Variants in IQSEC1 observed in about 807,000 individuals in gnomAD.
IQSEC1 encodes the protein IQ motif and Sec7 domain ArfGEF 1.
IQSEC1 carries 31 observed loss-of-function variants against 91.0 expected under a neutral mutation model. That is an observed-to-expected ratio of 0.34 (90% CI 0.26 to 0.46). The LOEUF (loss-of-function observed/expected upper bound fraction) is 0.46. IQSEC1 is among the 20% of genes least tolerant of loss of function. The pLI is 1.00. For synonymous variants in IQSEC1, 699 were observed against 662.6 expected, an observed-to-expected ratio of 1.05 and a Z score of -0.84; for missense variants, 1,388 against 1,575.6, an observed-to-expected ratio of 0.88 and a Z score of 2.02.
chr3:13,011,782 G>A lies in IQSEC1; in HGVS notation c.23+61210C>T, dbSNP rs564300876. ...GTATTTGCTTCCGCTGCCACTACCGGTAGATCAGAAGCTGGGGAGGTGTTT... is the reference window on the plus strand; with the variant it reads ...GTATTTGCTTCCGCTGCCACTACCGATAGATCAGAAGCTGGGGAGGTGTTT... On this transcript the variant is annotated intron_variant, in intron 1 of 13. Transcript: ENST00000613206. 4.6e-5 allele frequency among the ~76,000 whole-genome samples: 7 copies of A among 152,308 alleles called. No homozygotes were observed. The East Asian group carries it at 1.4e-3, about 29-fold the overall frequency.
At position 12,967,957 on chromosome 3, in the gene IQSEC1, G is replaced by T. The variant is rs1029282631; in HGVS notation, c.24-26092C>A. On this transcript the variant is annotated intron_variant, in intron 1 of 13. Coordinates refer to ENST00000613206, the MANE Select transcript of IQSEC1 (RefSeq NM_001134382.3). This position sits in a 1 kb window ranked among gnomAD's most constrained non-coding sequence, Gnocchi z 5.9. ...CAGGGGCGGGGCCGAGCCGAGGCGC[G>T]GGGTGCAGAGCGCAAGGGCGGAGTC... Among the ~76,000 whole-genome samples the T allele has an allele frequency of 2.0e-4, 30 of 152,210 alleles. No individual in the cohort carries two copies. The highest frequency in any genetic ancestry group is 7.0e-4 in the African/African-American group (29 of 41,560).
intron 2 of IQSEC1, among the ~76,000 whole-genome samples, chr3:13,160,616 G>T (rs951462387): frequency 3.3e-5 from 5 of 152,260 alleles, no homozygotes; most frequent in African/African-American, 4.8e-5. Flanking sequence ...GGAGGGTGTT[G>T]CGGGGGCAGT....
intron 1 of IQSEC1, among the ~76,000 whole-genome samples, chr3:13,210,490 C>A (rs1694423989): frequency 6.6e-6 from 1 of 152,198 alleles, no homozygotes; most frequent in African/African-American, 2.4e-5. Flanking sequence ...GGCCACCCGC[C>A]CCTCCCCTGG....
chr3:12,966,393 G>A (rs969804729), intron 1 of IQSEC1, among the ~76,000 whole-genome samples: 12 of 152,196 alleles, frequency 7.9e-5, no homozygotes, highest in Admixed American at 1.3e-4. Context: ...GCTTCCTCCA[G>A]AGGGGGCCTG....
intron 1 of IQSEC1, among the ~76,000 whole-genome samples, chr3:13,281,971 G>T (rs1174620113): frequency 1.3e-5 from 2 of 152,168 alleles, no homozygotes; most frequent in African/African-American, 4.8e-5. Context: ...GGCTGCTCCG[G>T]GTTTCGACAC....
rs76901702 is a variant in IQSEC1, at chr3:13,236,875, G to C, written c.272+45836C>G. On this transcript the variant is annotated intron_variant, in intron 1 of 15. Coordinates refer to the IQSEC1 transcript ENST00000648114. ...CCCACCCAGGGTACTTTGGGAAGGG[G>C]TGTTTTTGGGGAAACAACAAAATGC... is the stretch of plus-strand genomic sequence containing the variant. 3.8e-3 allele frequency among the ~76,000 whole-genome samples: 586 copies of C among 152,344 alleles called. 4 individuals carry two copies. Among genetic ancestry groups the C allele is most frequent in the African/African-American group, 0.013 (551 of 41,584 alleles).
At chr3:13,224,577 G>T (rs746160019) in intron 1 of IQSEC1, among the ~76,000 whole-genome samples, 1 of 152,026 alleles carries the variant, frequency 6.6e-6, no homozygotes, top group Admixed American at 6.5e-5. Flanking sequence ...TCTGATCTCC[G>T]CAGTGCTCAC....
chr3:12,995,590 C>A (rs962421703), intron 1 of IQSEC1, among the ~76,000 whole-genome samples: 1 of 152,206 alleles, frequency 6.6e-6, no homozygotes, highest in East Asian at 1.9e-4. Flanking sequence ...CACCCACCTG[C>A]GAAGCTGTAG....
At chr3:13,112,806 AG>A (rs1263928230) in intron 2 of IQSEC1, among the ~76,000 whole-genome samples, 1 of 152,166 alleles carries the variant, frequency 6.6e-6, no homozygotes, top group African/African-American at 2.4e-5. Flanking sequence ...TGACACACGG[AG>A]GAGGAAGCCT....
chr3:13,091,931 G>A (rs1327622401), intron 2 of IQSEC1, among the ~76,000 whole-genome samples: 1 of 151,948 alleles, frequency 6.6e-6, no homozygotes. Context: ...GGGTGGGGTC[G>A]GGGTGGGCAG....
intron 2 of IQSEC1, among the ~76,000 whole-genome samples, chr3:13,092,531 A>G (rs1705880894): frequency 1.3e-5 from 2 of 152,112 alleles, no homozygotes; most frequent in Admixed American, 1.3e-4. Flanking sequence ...TGCCAAGAAG[A>G]CACAACACAG....
chr3:13,268,583 C>T (rs755180532), intron 1 of IQSEC1, among the ~76,000 whole-genome samples: 4 of 152,140 alleles, frequency 2.6e-5, no homozygotes, highest in East Asian at 1.9e-4. Context: ...GATGAGACTG[C>T]ACTGATGTCA....
chr3:13,073,152 G>A lies in IQSEC1; in HGVS notation c.-138C>T. Reference sequence around the variant, plus strand: ...TCGCGGGGCGAGTCACATTCCCGGGGGTGGCGGGCTCCTCCAGGGAGGCTG... The same window carrying A: ...TCGCGGGGCGAGTCACATTCCCGGGAGTGGCGGGCTCCTCCAGGGAGGCTG... On this transcript the variant is annotated 5_prime_UTR_variant, in exon 1 of 14. Coordinates refer to ENST00000613206, the MANE Select transcript of IQSEC1 (RefSeq NM_001134382.3). 9.5e-7 allele frequency: 1 copy of A among 1,047,744 alleles called. No homozygotes were observed. Among genetic ancestry groups the A allele is most frequent in the East Asian group, 2.7e-5 (1 of 36,930 alleles). 64.9% of individuals were successfully genotyped at this position (1,047,744 alleles called of 1,614,324 possible). A position where few individuals can be genotyped will look rare whatever the true frequency, so the allele number is the denominator to read the frequency against.
chr3:13,166,036 G>A (rs357161), intron 1 of IQSEC1, among the ~76,000 whole-genome samples: 64,724 of 152,034 alleles, frequency 0.43, 13,945 homozygotes, highest in Admixed American at 0.5. Flanking sequence ...TCCTTTCTTC[G>A]GAATGACAAC....
Position 13,145,807 on chromosome 3 carries a change from G to GGT in IQSEC1, c.302+18296_302+18297insAC, listed in dbSNP as rs1553568918. ...AGTGAACCTGGGCGCCCGGGGGCGGGGGGGGGGGGTCCTGATCATTGGGAA... is the reference window on the plus strand; with the variant it reads ...AGTGAACCTGGGCGCCCGGGGGCGGGGTGGGGGGGGGTCCTGATCATTGGGAA... On this transcript the variant is annotated intron_variant, in intron 2 of 15. Coordinates refer to the IQSEC1 transcript ENST00000648114. Among the ~76,000 whole-genome samples, 4 of 74,764 alleles carry GGT rather than the reference G, an allele frequency of 5.4e-5. 1 individual carries two copies. Among genetic ancestry groups the GGT allele is most frequent in the Non-Finnish European group, 1.1e-4 (4 of 35,856 alleles). 49.0% of individuals were successfully genotyped at this position (74,764 alleles called of 152,430 possible). A position where few individuals can be genotyped will look rare whatever the true frequency, so the allele number is the denominator to read the frequency against.
rs1693836758 is a variant in IQSEC1, at chr3:12,898,173, G to A, written c.*2810C>T. 1 of 152,290 alleles carries A rather than the reference G, an allele frequency of 6.6e-6. No homozygotes were observed. The highest frequency in any genetic ancestry group is 6.5e-5 in the Admixed American group (1 of 15,284). 9.4% of individuals were successfully genotyped at this position (152,290 alleles called of 1,614,324 possible). A position where few individuals can be genotyped will look rare whatever the true frequency, so the allele number is the denominator to read the frequency against. Reference sequence around the variant, plus strand: ...CCAGGGGATGTGATGACAGGACCCCGAAGCTGTGGCTCTGACAGGTGGGAT... The same window carrying A: ...CCAGGGGATGTGATGACAGGACCCCAAAGCTGTGGCTCTGACAGGTGGGAT... On this transcript the variant is annotated 3_prime_UTR_variant, in exon 14 of 14. Transcript: ENST00000613206.
intron 8 of IQSEC1, 122 bp downstream of exon 8, chr3:12,914,982 G>A (rs1695935550): frequency 1.1e-6 from 1 of 930,794 alleles, no homozygotes; most frequent in Non-Finnish European, 1.7e-6. Context: ...CAGCACCCCA[G>A]CAATGAACTC....
intron 1 of IQSEC1, among the ~76,000 whole-genome samples, chr3:13,264,281 C>G (rs1695444900): frequency 6.6e-6 from 1 of 152,192 alleles, no homozygotes; most frequent in South Asian, 2.1e-4. Context: ...TTTTCCAGTC[C>G]AGGCCGACTC....
intron 2 of IQSEC1, among the ~76,000 whole-genome samples, chr3:13,129,360 CTT>C (rs1489589532): frequency 1.3e-5 from 2 of 152,106 alleles, no homozygotes; most frequent in Non-Finnish European, 2.9e-5. Context: ...TAATTTGTGT[CTT>C]TTCTCGTTTT....
Sources: allele counts gnomAD v4.1 joint callset (sites outside exome capture counted in the v4.1 genomes callset), GRCh38; gene constraint gnomAD v4.1.1; non-coding constraint Gnocchi (gnomAD v3.1); transcripts MANE v1.5; gene names NCBI Gene and HGNC (gene_info 2026-07-23, HGNC 2026-07-21).